The following PDHX variants were observed in gnomAD, a reference collection of about 807,000 sequenced individuals.
The protein encoded by PDHX is pyruvate dehydrogenase complex component X.
In PDHX, 33 loss-of-function variants were observed where a neutral mutation model predicts 55.3. The ratio of observed to expected loss-of-function variants is 0.60; its 90% CI spans 0.45 to 0.80. The LOEUF (loss-of-function observed/expected upper bound fraction) is 0.80, where lower values mean the gene tolerates loss of function less well. PDHX is among the 30% of genes least tolerant of loss of function. The probability of loss-of-function intolerance (pLI) is 0.00; values close to 1 mark genes in which losing one functional copy is unlikely to be tolerated. For synonymous variants in PDHX, 226 were observed against 219.4 expected (o/e 1.03, Z -0.27); for missense variants, 622 against 619.9 (o/e 1.00, Z -0.04).
At chr11:34,993,837 A>G (rs142759864) in intron 10 of PDHX, among the ~76,000 whole-genome samples, 1 of 152,174 alleles carries the variant, frequency 6.6e-6, no homozygotes, top group African/African-American at 2.4e-5. Context: ...TTGAGAATTG[A>G]CATCCTTACA....
chr11:34,984,115 A>G (rs542586147), intron 8 of PDHX, among the ~76,000 whole-genome samples: 28 of 152,308 alleles, frequency 1.8e-4, no homozygotes, highest in Admixed American at 7.8e-4. Context: ...TTAAATAGGG[A>G]TGTCATGTAT....
intron 2 of PDHX, among the ~76,000 whole-genome samples, chr11:34,939,265 A>G (rs1237775431): frequency 2.0e-5 from 3 of 152,224 alleles, no homozygotes; most frequent in South Asian, 4.1e-4. Flanking sequence ...TCACCATAAA[A>G]CAATGAGTTT....
At chr11:34,940,287 A>G (rs75249695) in intron 2 of PDHX, among the ~76,000 whole-genome samples, 432 of 152,318 alleles carry the variant, frequency 2.8e-3, no homozygotes, top group Non-Finnish European at 4.4e-3. Context: ...GTCATGAGAC[A>G]AGGGATTTTT....
chr11:34,943,866 A>G (rs1854554645), intron 2 of PDHX, among the ~76,000 whole-genome samples: 1 of 151,982 alleles, frequency 6.6e-6, no homozygotes, highest in Non-Finnish European at 1.5e-5. Flanking sequence ...CCTTACAAAA[A>G]CTGAATTAGA....
chr11:34,963,062 T>G (rs1360683135), intron 5 of PDHX, among the ~76,000 whole-genome samples: 2 of 152,066 alleles, frequency 1.3e-5, no homozygotes, highest in Admixed American at 1.3e-4. Flanking sequence ...TACAAAAGAT[T>G]TCATGAGAAA....
At chr11:34,984,533 T>C in intron 8 of PDHX, 37 bp from the exon 9 acceptor site, 1 of 1,601,344 alleles carries the variant, frequency 6.2e-7, no homozygotes, top group East Asian at 2.2e-5. Context: ...GGTCTAAAGC[T>C]GCTTTTTTAG....
At chr11:34,934,414 G>A (rs1854256169) in intron 2 of PDHX, among the ~76,000 whole-genome samples, 1 of 152,046 alleles carries the variant, frequency 6.6e-6, no homozygotes. Context: ...ATTTCAGGGT[G>A]GTAGGGAAGA....
At chr11:34,916,100 C>G (rs1306937459), upstream of PDHX, 32 of 1,246,626 alleles carry the variant, frequency 2.6e-5, no homozygotes, top group Non-Finnish European at 3.2e-6. Context: ...GGGTAGCGAA[C>G]GGCCAGGCCC....
intron 9 of PDHX, among the ~76,000 whole-genome samples, chr11:34,988,769 A>G (rs932662007): frequency 6.6e-6 from 1 of 152,172 alleles, no homozygotes; most frequent in African/African-American, 2.4e-5. Context: ...CTCTTATCCA[A>G]GGTTTCACTT....
chr11:34,961,961 A>G lies in PDHX; in HGVS notation c.641+1443A>G, dbSNP rs75891392. ...CCCACACCAATCCTGATTTGTGTCT[A>G]CTGTTGGTATCTTAATCTTGTTAGT... On this transcript the variant is annotated intron_variant, in intron 5 of 10. Transcript: ENST00000227868. Among the ~76,000 whole-genome samples the G allele has an allele frequency of 1.1e-3, 161 of 152,314 alleles. 1 individual carries two copies. Among genetic ancestry groups the G allele is most frequent in the Middle Eastern group, 6.8e-3 (2 of 294 alleles).
Position 34,931,364 on chromosome 11 carries a change from T to G in PDHX, c.161-40T>G, listed in dbSNP as rs769697352. The G allele has an allele frequency of 3.7e-6, 4 of 1,070,550 alleles. No individual in the cohort carries two copies. The African/African-American group carries it at 6.2e-5, about 17-fold the overall frequency. The allele number at this position is 1,070,550 out of a possible 1,614,324, so 66.3% of individuals were successfully genotyped here. On this transcript the variant is annotated intron_variant, in intron 1 of 10. Transcript: ENST00000227868. ...TTATATTGATGCCTCATGAGGTGCA[T>G]TATTTGTTGTGGCTCATCTTTCCTT...
chr11:34,916,097 G>C (rs890108854), upstream of PDHX: 4 of 1,230,688 alleles, frequency 3.3e-6, no homozygotes, highest in African/African-American at 4.7e-5. Flanking sequence ...CCGGGGTAGC[G>C]AACGGCCAGG....
chr11:34,953,697 T>A (rs1854835668), intron 3 of PDHX, among the ~76,000 whole-genome samples: 1 of 152,198 alleles, frequency 6.6e-6, no homozygotes, highest in African/African-American at 2.4e-5. Flanking sequence ...TTGGTAGCGA[T>A]TATATTGGAT....
At position 34,966,685 on chromosome 11, in the gene PDHX, C is replaced by G. The variant is rs1173444024; in HGVS notation, c.687C>G (p.Thr229=). Residue 229 remains threonine, a synonymous_variant, in exon 6 of 11, where the codon ACC becomes ACG. Transcript: ENST00000227868. ...LVQLKQTGKI[T]ESRPTPAPTA... is the part of the protein sequence containing the mutation. ...AGTTGAAACAAACGGGCAAGATTAC[C>G]GAGTCCAGACCAACTCCAGCCCCCA... 1 of 1,613,932 alleles carries G rather than the reference C, an allele frequency of 6.2e-7. No individual in the cohort carries two copies. Among genetic ancestry groups the G allele is most frequent in the Non-Finnish European group, 8.5e-7 (1 of 1,180,018 alleles).
upstream of PDHX, chr11:34,915,996 G>T: frequency 1.7e-6 from 1 of 592,710 alleles, no homozygotes; most frequent in East Asian, 3.0e-5. Flanking sequence ...AACGTTTGGC[G>T]CCCAGCTCCC....
At chr11:34,964,237 CAAAA>C (rs1482157901) in intron 5 of PDHX, among the ~76,000 whole-genome samples, 4 of 152,100 alleles carry the variant, frequency 2.6e-5, no homozygotes, top group African/African-American at 9.7e-5. Flanking sequence ...TTCTGCCTCA[CAAAA>C]AACTAAATCA....
At chr11:34,948,621 A>G (rs971813767) in intron 3 of PDHX, among the ~76,000 whole-genome samples, 1 of 139,576 alleles carries the variant, frequency 7.2e-6, no homozygotes, top group Non-Finnish European at 1.5e-5. Context: ...AACTTCGAAT[A>G]TGTCAAACTC....
At chr11:34,994,206 G>T (rs927322206) in intron 10 of PDHX, among the ~76,000 whole-genome samples, 2 of 152,146 alleles carry the variant, frequency 1.3e-5, no homozygotes, top group African/African-American at 4.8e-5. Context: ...CACCTTAGCT[G>T]TATGATATAG....
At chr11:34,963,020 C>T (rs899444242) in intron 5 of PDHX, among the ~76,000 whole-genome samples, 7 of 152,106 alleles carry the variant, frequency 4.6e-5, no homozygotes, top group African/African-American at 1.7e-4. Context: ...ACGAGAAAGG[C>T]ATCAGCCTTT....
Sources: allele counts gnomAD v4.1 joint callset (sites outside exome capture counted in the v4.1 genomes callset), GRCh38; gene constraint gnomAD v4.1.1; transcripts MANE v1.5; gene names NCBI Gene and HGNC (gene_info 2026-07-23, HGNC 2026-07-21).